Variants in ETV6 observed in about 807,000 individuals in gnomAD.
ETV6 encodes transcription factor ETV6.
Under a neutral mutation model 51.1 loss-of-function variants are expected in ETV6, and 16 were observed. The ratio of observed to expected loss-of-function variants is 0.31; its 90% CI spans 0.21 to 0.48. The LOEUF is 0.48. ETV6 is among the 20% of genes least tolerant of loss of function. ETV6 has a pLI of 0.99. For synonymous variants in ETV6, 240 were observed against 224.1 expected, an observed-to-expected ratio of 1.07 and a Z score of -0.64; for missense variants, 458 against 594.8, an observed-to-expected ratio of 0.77 and a Z score of 2.39.
At chr12:11,797,129 A>G (rs1040823261) in intron 2 of ETV6, among the ~76,000 whole-genome samples, 5 of 152,176 alleles carry the variant, frequency 3.3e-5, no homozygotes, top group African/African-American at 1.2e-4. Flanking sequence ...GTCCTTTACT[A>G]TGATGTCCCT....
chr12:11,830,671 G>T (rs184437433), intron 2 of ETV6, among the ~76,000 whole-genome samples: 1 of 152,218 alleles, frequency 6.6e-6, no homozygotes, highest in Admixed American at 6.5e-5. Flanking sequence ...ATCTTTGGCT[G>T]TACAGTCTGG....
intron 2 of ETV6, among the ~76,000 whole-genome samples, chr12:11,815,004 A>C (rs1228614041): frequency 6.6e-6 from 1 of 152,200 alleles, no homozygotes; most frequent in African/African-American, 2.4e-5. Context: ...CTAAAGGAGA[A>C]GGAAACAGAG....
At chr12:11,863,229 G>C (rs1946740902) in intron 4 of ETV6, among the ~76,000 whole-genome samples, 1 of 152,086 alleles carries the variant, frequency 6.6e-6, no homozygotes, top group Admixed American at 6.5e-5. Context: ...TGGTTAAATT[G>C]GGTCAAATTT....
intron 2 of ETV6, among the ~76,000 whole-genome samples, chr12:11,828,171 T>C (rs1260365626): frequency 1.3e-5 from 2 of 152,252 alleles, no homozygotes; most frequent in Admixed American, 1.3e-4. Flanking sequence ...GCTGCCTTAA[T>C]GCCTCTTTGC....
intron 6 of ETV6, 29 bp from the exon 7 acceptor site, chr12:11,885,897 T>G: frequency 6.5e-7 from 1 of 1,546,968 alleles, no homozygotes. Context: ...TTTGTGCTTT[T>G]TTTCTCCCTT....
At chr12:11,697,620 G>A (rs770302060) in intron 1 of ETV6, among the ~76,000 whole-genome samples, 1 of 152,204 alleles carries the variant, frequency 6.6e-6, no homozygotes, top group Non-Finnish European at 1.5e-5. Flanking sequence ...AAGAATTTAG[G>A]GGTGTAAGTT....
At chr12:11,838,688 A>T (rs1224866556) in intron 2 of ETV6, among the ~76,000 whole-genome samples, 2 of 152,134 alleles carry the variant, frequency 1.3e-5, no homozygotes, top group Non-Finnish European at 2.9e-5. Flanking sequence ...CTGGGCTGCA[A>T]TCAGATCAGC....
chr12:11,790,087 T>G (rs1565527091), intron 2 of ETV6, among the ~76,000 whole-genome samples: 1 of 107,956 alleles, frequency 9.3e-6, no homozygotes, highest in Non-Finnish European at 1.9e-5. Context: ...CTCAACCTTT[T>G]TTGTCAGCAC....
At chr12:11,803,759 A>T (rs1007053185) in intron 2 of ETV6, among the ~76,000 whole-genome samples, 2 of 152,224 alleles carry the variant, frequency 1.3e-5, no homozygotes, top group African/African-American at 4.8e-5. Context: ...ATAGAATGAG[A>T]TTAACTGGAA....
At chr12:11,652,773 G>A (rs551060470) in intron 1 of ETV6, among the ~76,000 whole-genome samples, 6 of 152,362 alleles carry the variant, frequency 3.9e-5, no homozygotes, top group African/African-American at 1.4e-4. Flanking sequence ...TTTGGGTGGA[G>A]TTTCCAAGGT....
chr12:11,807,536 A>G (rs1481751294), intron 2 of ETV6, among the ~76,000 whole-genome samples: 1 of 152,212 alleles, frequency 6.6e-6, no homozygotes, highest in Non-Finnish European at 1.5e-5. Flanking sequence ...TGAAAACTCA[A>G]AAATGAAAGT....
At chr12:11,859,327 G>C (rs973190815) in intron 4 of ETV6, among the ~76,000 whole-genome samples, 1 of 151,516 alleles carries the variant, frequency 6.6e-6, no homozygotes, top group Middle Eastern at 3.2e-3. Context: ...ATTTTTAGTA[G>C]AGACAGGGTT....
intron 3 of ETV6, among the ~76,000 whole-genome samples, chr12:11,841,772 A>T (rs1946393747): frequency 6.6e-6 from 1 of 152,124 alleles, no homozygotes; most frequent in African/African-American, 2.4e-5. Flanking sequence ...CAAGAAGGAG[A>T]TGAGGAAGCA....
chr12:11,762,063 A>C (rs1945093577), intron 2 of ETV6, among the ~76,000 whole-genome samples: 1 of 152,196 alleles, frequency 6.6e-6, no homozygotes, highest in Non-Finnish European at 1.5e-5. Context: ...TCCAACACCC[A>C]GCTCTGTTGA....
intron 1 of ETV6, among the ~76,000 whole-genome samples, chr12:11,700,012 G>A (rs931771413): frequency 2.0e-5 from 3 of 152,166 alleles, no homozygotes; most frequent in African/African-American, 7.2e-5. Context: ...GCCCAGTGCT[G>A]TAGTTATTTG....
chr12:11,675,657 A>C, intron 1 of ETV6, among the ~76,000 whole-genome samples: 1 of 152,162 alleles, frequency 6.6e-6, no homozygotes, highest in Admixed American at 6.5e-5. Flanking sequence ...ATAAAAAAAT[A>C]AAATAAATTA....
At chr12:11,762,854 AG>A (rs1204890259) in intron 2 of ETV6, among the ~76,000 whole-genome samples, 1 of 152,208 alleles carries the variant, frequency 6.6e-6, no homozygotes, top group African/African-American at 2.4e-5. Context: ...AAAGCTGATG[AG>A]GGGTTTTATT....
At chr12:11,816,966 C>G (rs1946002927) in intron 2 of ETV6, among the ~76,000 whole-genome samples, 5 of 152,196 alleles carry the variant, frequency 3.3e-5, no homozygotes, top group African/African-American at 7.2e-5. Context: ...ATGCCATTAC[C>G]ATAGTGGGCT....
chr12:11,716,917 G>A (rs1865290410), intron 1 of ETV6, among the ~76,000 whole-genome samples: 1 of 152,110 alleles, frequency 6.6e-6, no homozygotes, highest in Non-Finnish European at 1.5e-5. Flanking sequence ...TTCTAAGCAG[G>A]CAAAGACTCC....
Sources: gnomAD v4.1 joint callset for allele counts (sites outside exome capture counted in the v4.1 genomes callset) on GRCh38, gnomAD v4.1.1 for gene constraint, MANE v1.5 for transcripts, NCBI Gene and HGNC (gene_info 2026-07-23, HGNC 2026-07-21) for gene names.